NUDCD3: variants seen among roughly 807,000 people sequenced by gnomAD.
NUDCD3 encodes the protein NudC domain containing 3.
A neutral mutation model predicts 39.7 loss-of-function variants in NUDCD3; 13 were observed. That is an observed-to-expected ratio of 0.33 (90% CI 0.21 to 0.52). NUDCD3 has a LOEUF of 0.52. Among genes scored for constraint, NUDCD3 ranks in the 20% least tolerant of loss-of-function variants. The probability of loss-of-function intolerance (pLI) is 0.96; values close to 1 mark genes in which losing one functional copy is unlikely to be tolerated. For missense variants in NUDCD3, 453 were observed against 458.1 expected (o/e 0.99, Z 0.10); for synonymous variants, 175 against 172.4 (o/e 1.02, Z -0.12).
chr7:44,398,465 TCC>T (rs912501610), intron 4 of NUDCD3, among the ~76,000 whole-genome samples: 2 of 152,130 alleles, frequency 1.3e-5, no homozygotes, highest in Non-Finnish European at 2.9e-5. Flanking sequence ...AACAAAATGC[TCC>T]AGGTTCCTCT....
intron 5 of NUDCD3, 61 bp downstream of exon 5, chr7:44,392,236 C>A: frequency 6.6e-7 from 1 of 1,508,472 alleles, no homozygotes; most frequent in South Asian, 1.2e-5. Flanking sequence ...CTGCCACTAT[C>A]GGCCTTGTCA....
chr7:44,477,597 C>G (rs1029154230), intron 2 of NUDCD3, among the ~76,000 whole-genome samples: 1 of 152,132 alleles, frequency 6.6e-6, no homozygotes, highest in African/African-American at 2.4e-5. Flanking sequence ...AGGAAACCAA[C>G]ACCAAACCCT....
intron 2 of NUDCD3, among the ~76,000 whole-genome samples, chr7:44,434,465 C>G (rs907419305): frequency 3.9e-5 from 6 of 152,194 alleles, no homozygotes; most frequent in African/African-American, 1.2e-4. Flanking sequence ...TGCTGCCCAG[C>G]TCTCACTGAG....
At chr7:44,456,198 G>C (rs557422605) in intron 2 of NUDCD3, among the ~76,000 whole-genome samples, 33 of 149,406 alleles carry the variant, frequency 2.2e-4, no homozygotes, top group Admixed American at 4.0e-4. Flanking sequence ...CCCACAAAAA[G>C]AATAAAAAGT....
chr7:44,429,162 G>T (rs1337017228), intron 2 of NUDCD3, among the ~76,000 whole-genome samples: 1 of 152,230 alleles, frequency 6.6e-6, no homozygotes, highest in African/African-American at 2.4e-5. Flanking sequence ...CTCCACCACG[G>T]CCTGAGTCCT....
chr7:44,478,239 T>C (rs536948307), intron 2 of NUDCD3, among the ~76,000 whole-genome samples: 1 of 152,322 alleles, frequency 6.6e-6, no homozygotes, highest in South Asian at 2.1e-4. Flanking sequence ...CTCTCTCTTC[T>C]CTGAGGAATA....
At chr7:44,450,336 C>G (rs1199538791) in intron 2 of NUDCD3, among the ~76,000 whole-genome samples, 2 of 152,012 alleles carry the variant, frequency 1.3e-5, no homozygotes, top group Admixed American at 1.3e-4. Context: ...TGCTACCACA[C>G]CCAGCTAATT....
At chr7:44,402,355 T>G (rs918736462) in intron 4 of NUDCD3, among the ~76,000 whole-genome samples, 1 of 152,200 alleles carries the variant, frequency 6.6e-6, no homozygotes, top group African/African-American at 2.4e-5. Flanking sequence ...ACTTGTATTA[T>G]ACATACAAGT....
At chr7:44,488,386 G>A (rs1012112145) in intron 1 of NUDCD3, among the ~76,000 whole-genome samples, 1 of 151,120 alleles carries the variant, frequency 6.6e-6, no homozygotes, top group African/African-American at 2.4e-5. Flanking sequence ...AAGCGATGCT[G>A]ATGGTTGAGA....
At chr7:44,482,019 A>G (rs1360043110) in intron 2 of NUDCD3, among the ~76,000 whole-genome samples, 3 of 152,342 alleles carry the variant, frequency 2.0e-5, no homozygotes, top group South Asian at 4.2e-4. Context: ...AAATTTATGT[A>G]GTCTATAAGC....
chr7:44,418,773 G>A (rs752670489), intron 3 of NUDCD3, among the ~76,000 whole-genome samples: 1 of 152,202 alleles, frequency 6.6e-6, no homozygotes, highest in Non-Finnish European at 1.5e-5. Flanking sequence ...AGCCCACAGA[G>A]GGTGAGCAGA....
intron 2 of NUDCD3, among the ~76,000 whole-genome samples, chr7:44,442,099 C>G (rs1044448803): frequency 6.6e-6 from 1 of 152,162 alleles, no homozygotes; most frequent in Non-Finnish European, 1.5e-5. Context: ...ATACAATGCT[C>G]AGAACAGTGT....
chr7:44,409,021 T>G (rs1798876797), intron 3 of NUDCD3, among the ~76,000 whole-genome samples: 1 of 152,180 alleles, frequency 6.6e-6, no homozygotes, highest in Admixed American at 6.5e-5. Flanking sequence ...GTGTTTTAAC[T>G]TTGCAGCCTC....
intron 3 of NUDCD3, 33 bp downstream of exon 3, chr7:44,427,538 A>C: frequency 6.3e-7 from 1 of 1,598,800 alleles, no homozygotes; most frequent in Non-Finnish European, 8.5e-7. Context: ...GGCTTGGGTG[A>C]AGCCGCCCAC....
rs997379078 is a variant in NUDCD3 at position 44,381,068 on chromosome 7, G to C, written c.*4943C>G. 1 of 152,326 alleles carries C rather than the reference G, an allele frequency of 6.6e-6. No homozygotes were observed. Among genetic ancestry groups the C allele is most frequent in the African/African-American group, 2.4e-5 (1 of 41,460 alleles). The allele number at this position is 152,326 out of a possible 1,614,324, so 9.4% of individuals were successfully genotyped here. A position where few individuals can be genotyped will look rare whatever the true frequency, so the allele number is the denominator to read the frequency against. ...CCTCATAGCATGGGGTCAGTGCAGC[G>C]GCAATGTCTGGGTTGTTGAGGGTTT... On this transcript the variant is annotated 3_prime_UTR_variant, in exon 6 of 6. Coordinates refer to ENST00000355451, the MANE Select transcript of NUDCD3 (RefSeq NM_015332.4).
At chr7:44,428,031 G>A (rs903218146) in intron 2 of NUDCD3, among the ~76,000 whole-genome samples, 1 of 150,818 alleles carries the variant, frequency 6.6e-6, no homozygotes, top group Non-Finnish European at 1.5e-5. Context: ...CTGAGATCCA[G>A]GCCTGTTAAT....
intron 2 of NUDCD3, chr7:44,471,740 C>T (rs1353628225): frequency 2.0e-5 from 3 of 152,280 alleles, no homozygotes; most frequent in African/African-American, 7.2e-5. Context: ...AGATATACCT[C>T]TTAGAAGCAA....
intron 2 of NUDCD3, among the ~76,000 whole-genome samples, chr7:44,438,604 A>G (rs975816352): frequency 1.3e-5 from 1 of 79,234 alleles, no homozygotes; most frequent in Non-Finnish European, 2.6e-5. Context: ...GCTAATTCTG[A>G]CCCCACCCTA....
At chr7:44,464,831 TC>T (rs1217446305) in intron 2 of NUDCD3, among the ~76,000 whole-genome samples, 2 of 152,196 alleles carry the variant, frequency 1.3e-5, no homozygotes, top group Non-Finnish European at 2.9e-5. Context: ...TTATCCCCAT[TC>T]CAGCTTTTAG....
Sources: gnomAD v4.1 joint callset for allele counts (sites outside exome capture counted in the v4.1 genomes callset) on GRCh38, gnomAD v4.1.1 for gene constraint, MANE v1.5 for transcripts, NCBI Gene and HGNC (gene_info 2026-07-23, HGNC 2026-07-21) for gene names.